KLHL2: variants seen among roughly 807,000 people sequenced by gnomAD.
KLHL2 encodes kelch-like protein 2.
In KLHL2, 15 loss-of-function variants were observed where a neutral mutation model predicts 75.8. The observed-to-expected ratio is 0.20, with a 90% confidence interval of 0.13 to 0.30. KLHL2 has a LOEUF of 0.30. Among genes scored for constraint, KLHL2 ranks in the 10% least tolerant of loss-of-function variants. KLHL2 has a pLI of 1.00. For synonymous variants in KLHL2, 214 were observed against 251.9 expected (o/e 0.85, Z 1.42); for missense variants, 381 against 741.0 (o/e 0.51, Z 5.64).
intron 5 of KLHL2, among the ~76,000 whole-genome samples, chr4:165,288,081 A>G (rs887802241): frequency 6.6e-6 from 1 of 152,142 alleles, no homozygotes; most frequent in Non-Finnish European, 1.5e-5. Context: ...TGACAAATCC[A>G]GTGTCACGAA....
At chr4:165,209,506 G>T (rs900585975) in intron 1 of KLHL2, 1 of 151,940 alleles carries the variant, frequency 6.6e-6, no homozygotes, top group Non-Finnish European at 1.5e-5. Context: ...AGGGAGGGAG[G>T]GAATAGAGAC....
chr4:165,275,114 T>G (rs145207786), intron 5 of KLHL2, among the ~76,000 whole-genome samples: 3,108 of 151,386 alleles, frequency 0.021, 94 homozygotes, highest in African/African-American at 0.071. Flanking sequence ...TTTATTTTAT[T>G]TTATTTTATT....
At chr4:165,312,094 A>C (rs964464905) in intron 11 of KLHL2, among the ~76,000 whole-genome samples, 1 of 152,098 alleles carries the variant, frequency 6.6e-6, no homozygotes, top group Non-Finnish European at 1.5e-5. Context: ...TAGGGTTCAC[A>C]CTTCTGTGAG....
At chr4:165,214,185 G>A (rs977264532) in intron 1 of KLHL2, among the ~76,000 whole-genome samples, 16 of 152,162 alleles carry the variant, frequency 1.1e-4, no homozygotes, top group African/African-American at 3.4e-4. Context: ...TTGCGGAGTC[G>A]TATTGCCGCC....
chr4:165,281,810 A>G lies in KLHL2; in HGVS notation c.545-12549A>G, dbSNP rs533257143. Among the ~76,000 whole-genome samples the G allele has an allele frequency of 9.2e-5, 14 of 152,294 alleles. No homozygotes were observed. In the South Asian group the frequency reaches 1.0e-3, roughly 11 times the overall value. On this transcript the variant is annotated intron_variant, in intron 5 of 14. Transcript: ENST00000226725. ...GGAAGGATTCATATGTATATTATAT[A>G]TTATGTGTGTGTAGTTTATGTGTTT...
chr4:165,292,035 C>T (rs939145640), intron 5 of KLHL2, among the ~76,000 whole-genome samples: 2 of 151,996 alleles, frequency 1.3e-5, no homozygotes, highest in Non-Finnish European at 2.9e-5. Context: ...TTTATAATAC[C>T]TAATATAGTG....
At chr4:165,318,013 C>T in intron 14 of KLHL2, 44 bp downstream of exon 14, 1 of 1,582,856 alleles carries the variant, frequency 6.3e-7, no homozygotes, top group Non-Finnish European at 8.6e-7. Flanking sequence ...AAAAGATGAC[C>T]TCATTATGAA....
intron 5 of KLHL2, among the ~76,000 whole-genome samples, chr4:165,294,056 G>T (rs1375350211): frequency 1.3e-5 from 2 of 152,264 alleles, no homozygotes; most frequent in East Asian, 1.9e-4. Flanking sequence ...ATAAGGAATA[G>T]ATTTTTTTAA....
At chr4:165,310,890 C>T (rs562484580) in intron 10 of KLHL2, 140 bp downstream of exon 10, 200 of 655,610 alleles carry the variant, frequency 3.1e-4, no homozygotes, top group African/African-American at 3.9e-4. Flanking sequence ...AGTCTTGCTC[C>T]GTCGCCCAGG....
intron 4 of KLHL2, among the ~76,000 whole-genome samples, chr4:165,261,234 A>G (rs1338239736): frequency 6.6e-6 from 1 of 152,260 alleles, no homozygotes; most frequent in Non-Finnish European, 1.5e-5. Context: ...GAAAATTATC[A>G]ACAAATTAAA....
intron 10 of KLHL2, among the ~76,000 whole-genome samples, chr4:165,311,022 T>C (rs934345303): frequency 3.3e-5 from 5 of 150,254 alleles, no homozygotes; most frequent in Non-Finnish European, 7.4e-5. Flanking sequence ...GCCCGGCTAA[T>C]TTTTTTTGTA....
chr4:165,296,525 C>T (rs1356682027), intron 6 of KLHL2, among the ~76,000 whole-genome samples: 1 of 152,148 alleles, frequency 6.6e-6, no homozygotes, highest in Non-Finnish European at 1.5e-5. Context: ...TGGAGGGTTA[C>T]TATATAAGGG....
intron 4 of KLHL2, among the ~76,000 whole-genome samples, chr4:165,258,488 A>T (rs1178631187): frequency 6.6e-6 from 1 of 151,898 alleles, no homozygotes; most frequent in African/African-American, 2.4e-5. Flanking sequence ...ACTAGATGGA[A>T]ATTTCCATTA....
chr4:165,321,196 C>G, intron 14 of KLHL2: 2 of 452,468 alleles, frequency 4.4e-6, no homozygotes, highest in Admixed American at 4.7e-5. Flanking sequence ...AAAGTTGCAC[C>G]AAGTGTGTCT....
chr4:165,282,566 G>C (rs1743777283), intron 5 of KLHL2, among the ~76,000 whole-genome samples: 1 of 152,130 alleles, frequency 6.6e-6, no homozygotes, highest in African/African-American at 2.4e-5. Context: ...ATGCACTAGA[G>C]CCCTGAATTT....
In KLHL2 at chr4:165,266,025, A is replaced by G. The variant is rs534926601; in HGVS notation, c.544+2666A>G. ...AATGATCGCCATTCTAACTGGCCTG[A>G]GATGGTATCTCACTGTGGTTTTGAT... is the stretch of plus-strand genomic sequence containing the variant. On this transcript the variant is annotated intron_variant, in intron 5 of 14. Transcript: ENST00000226725. 2.6e-3 allele frequency among the ~76,000 whole-genome samples: 390 copies of G among 152,330 alleles called. 4 individuals carry two copies. Among genetic ancestry groups the G allele is most frequent in the African/African-American group, 8.4e-3 (349 of 41,564 alleles).
Position 165,319,609 on chromosome 4 carries a change from C to G in KLHL2, c.1753+1640C>G, listed in dbSNP as rs149953189. Among the ~76,000 whole-genome samples the G allele has an allele frequency of 4.3e-4, 65 of 152,118 alleles. No homozygotes were observed. The highest frequency in any genetic ancestry group is 1.5e-3 in the African/African-American group (64 of 41,526). ...TTTTTATCTTGTGTTGAACATGCAGCTTTTATGTGGGTGCAGGATTTTTGT... is the reference window on the plus strand; with the variant it reads ...TTTTTATCTTGTGTTGAACATGCAGGTTTTATGTGGGTGCAGGATTTTTGT... On this transcript the variant is annotated intron_variant, in intron 14 of 14. Coordinates refer to ENST00000226725, the MANE Select transcript of KLHL2 (RefSeq NM_007246.4). The surrounding 1 kb of genome is among the most constrained non-coding windows in gnomAD (Gnocchi z 4.5).
At chr4:165,275,024 G>A (rs969147509) in intron 5 of KLHL2, among the ~76,000 whole-genome samples, 5 of 152,182 alleles carry the variant, frequency 3.3e-5, no homozygotes, top group African/African-American at 4.8e-5. Flanking sequence ...TGACCAGACC[G>A]CCCAGGTTAA....
At chr4:165,216,475 G>T (rs1421441955) in intron 1 of KLHL2, among the ~76,000 whole-genome samples, 2 of 152,142 alleles carry the variant, frequency 1.3e-5, no homozygotes, top group African/African-American at 4.8e-5. Context: ...ATCTTCTTCA[G>T]GTATTTTAAG....
Sources: allele counts gnomAD v4.1 joint callset (sites outside exome capture counted in the v4.1 genomes callset), GRCh38; gene constraint gnomAD v4.1.1; non-coding constraint Gnocchi (gnomAD v3.1); transcripts MANE v1.5; gene names NCBI Gene and HGNC (gene_info 2026-07-23, HGNC 2026-07-21).